Variants in MET observed in about 807,000 individuals in gnomAD.
MET encodes the protein hepatocyte growth factor receptor.
Under a neutral mutation model 133.1 loss-of-function variants are expected in MET, and 48 were observed. That is an observed-to-expected ratio of 0.36 (90% confidence interval 0.29 to 0.46). MET has a LOEUF of 0.46. Ranked by LOEUF, MET falls within the 20% of genes least tolerant of loss-of-function variation. The pLI, the probability that MET is intolerant of heterozygous loss-of-function variation, is 1.00. For missense variants in MET, 1,442 were observed against 1,695.9 expected, an observed-to-expected ratio of 0.85 and a Z score of 2.63; for synonymous variants, 628 against 616.5, an observed-to-expected ratio of 1.02 and a Z score of -0.28.
intron 15 of MET, among the ~76,000 whole-genome samples, chr7:116,776,603 C>A (rs1217968266): frequency 6.6e-6 from 1 of 152,116 alleles, no homozygotes; most frequent in Admixed American, 6.5e-5. Context: ...TTATTTTATT[C>A]TTCTTTGCAT....
chr7:116,697,067 C>T (rs1796989574), intron 1 of MET, among the ~76,000 whole-genome samples: 1 of 152,186 alleles, frequency 6.6e-6, no homozygotes, highest in Admixed American at 6.5e-5. Flanking sequence ...GCACTCATTT[C>T]CCAGCAGCAC....
At chr7:116,716,461 AAGAAAG>A (rs1235270217) in intron 2 of MET, among the ~76,000 whole-genome samples, 8 of 142,126 alleles carry the variant, frequency 5.6e-5, no homozygotes, top group East Asian at 2.1e-4. Flanking sequence ...AAAGAAAAGA[AAGAAAG>A]AGAAAGAAAG....
At chr7:116,757,578 T>TA in intron 7 of MET, 39 bp downstream of exon 7, 2 of 1,612,546 alleles carry the variant, frequency 1.2e-6, no homozygotes, top group Non-Finnish European at 1.7e-6. Flanking sequence ...GATTTTTACT[T>TA]AATCTATTTA....
chr7:116,743,520 G>T (rs1419794459), intron 5 of MET, among the ~76,000 whole-genome samples: 2 of 152,216 alleles, frequency 1.3e-5, no homozygotes, highest in East Asian at 3.8e-4. Flanking sequence ...AAGTTGACCT[G>T]GGATGCTGGA....
intron 1 of MET, among the ~76,000 whole-genome samples, chr7:116,698,440 TTGTC>T (rs1797042780): frequency 6.6e-6 from 1 of 152,196 alleles, no homozygotes; most frequent in Non-Finnish European, 1.5e-5. Flanking sequence ...CATTAAACAT[TTGTC>T]TGTCTAAAAC....
chr7:116,690,115 G>C (rs1224964269), intron 1 of MET, among the ~76,000 whole-genome samples: 2 of 152,118 alleles, frequency 1.3e-5, no homozygotes, highest in African/African-American at 4.8e-5. Flanking sequence ...TCACCCAAGG[G>C]ACTGTGCCAA....
intron 2 of MET, among the ~76,000 whole-genome samples, chr7:116,717,727 G>T (rs1792300877): frequency 6.6e-6 from 1 of 152,114 alleles, no homozygotes. Flanking sequence ...ATCTATAGAT[G>T]AGCTAAATCT....
Position 116,783,252 on chromosome 7 carries a change from T to C in MET, c.3633-52T>C, listed in dbSNP as rs376711164. The stretch of plus-strand genomic sequence containing the variant: ...TTTAATCTGTAGATATTCAGCATCA[T>C]TGTAAATTATTCTATTTCAGCCACG... On this transcript the variant is annotated intron_variant, in intron 18 of 20. Transcript: ENST00000397752. 6 of 1,602,950 alleles carry C rather than the reference T, an allele frequency of 3.7e-6. No individual in the cohort carries two copies. In the African/African-American group the frequency reaches 8.0e-5, roughly 21 times the overall value.
chr7:116,703,240 C>T (rs776398619), intron 2 of MET, among the ~76,000 whole-genome samples: 4 of 152,086 alleles, frequency 2.6e-5, no homozygotes, highest in Non-Finnish European at 5.9e-5. Context: ...ATTCTTGATC[C>T]TCACAATGTG....
rs555487099 is a variant in MET, at chr7:116,705,756, A to G, written c.1200+5472A>G. ...TTTCATTTCTTTTTCTTTCCTAGAC[A>G]CTACTTCATCCTCTCATAGGCTCAG... On this transcript the variant is annotated intron_variant, in intron 2 of 20. Coordinates refer to ENST00000397752, the MANE Select transcript of MET (RefSeq NM_000245.4). 2.6e-5 allele frequency among the ~76,000 whole-genome samples: 4 copies of G among 152,246 alleles called. No homozygotes were observed. The South Asian group carries it at 6.2e-4, about 24-fold the overall frequency.
At chr7:116,732,011 G>T (rs1383010384) in intron 3 of MET, 152 bp downstream of exon 3, 2 of 749,170 alleles carry the variant, frequency 2.7e-6, no homozygotes, top group Non-Finnish European at 4.6e-6. Flanking sequence ...AATGAAGCCT[G>T]GTCTACTTTC....
chr7:116,723,251 C>T (rs972465164), intron 2 of MET, among the ~76,000 whole-genome samples: 3 of 146,590 alleles, frequency 2.0e-5, no homozygotes, highest in South Asian at 2.3e-4. Context: ...ATTGCTGATA[C>T]CCTTTCTTCC....
chr7:116,686,754 C>T (rs138860626), intron 1 of MET, among the ~76,000 whole-genome samples: 4 of 152,154 alleles, frequency 2.6e-5, no homozygotes, highest in Non-Finnish European at 5.9e-5. Flanking sequence ...AATCTTATAC[C>T]TTTTTCCACT....
intron 18 of MET, among the ~76,000 whole-genome samples, chr7:116,782,467 A>G (rs1795186172): frequency 6.6e-6 from 1 of 152,232 alleles, no homozygotes; most frequent in Admixed American, 6.5e-5. Context: ...ATACCAACAT[A>G]TTGCAACTTC....
At chr7:116,741,083 T>G (rs753190193) in intron 5 of MET, 58 bp downstream of exon 5, 32 of 1,475,970 alleles carry the variant, frequency 2.2e-5, no homozygotes, top group South Asian at 3.6e-5. Flanking sequence ...TTTTTTTTTT[T>G]GGTTTGGTTT....
At chr7:116,726,049 C>A (rs1283567679) in intron 2 of MET, among the ~76,000 whole-genome samples, 1 of 142,106 alleles carries the variant, frequency 7.0e-6, no homozygotes, top group Non-Finnish European at 1.5e-5. Flanking sequence ...AAAAAAGAAA[C>A]TAAAACAATA....
chr7:116,699,101 T>G lies in MET; in HGVS notation c.17T>G (p.Val6Gly), dbSNP rs950885374. Reference protein sequence around the residue: MKAPAVLAPGILVLLF... With the variant: MKAPAGLAPGILVLLF... ...CCTCTCATAATGAAGGCCCCCGCTG[T>G]GCTTGCACCTGGCATCCTCGTGCTC... The change falls in exon 2 of 21, where the codon GTG (valine) becomes GGG (glycine). Residue 6 changes from valine to glycine, a missense_variant. Around this residue, in one of 6 missense-constraint regions of MET, gnomAD observed 762 missense variants for 792.4 expected, o/e 0.96. Coordinates refer to ENST00000397752, the MANE Select transcript of MET (RefSeq NM_000245.4). 1 of 1,613,768 alleles carries G rather than the reference T, an allele frequency of 6.2e-7. No homozygotes were observed. The highest frequency in any genetic ancestry group is 1.3e-5 in the African/African-American group (1 of 74,890).
intron 2 of MET, among the ~76,000 whole-genome samples, chr7:116,708,606 C>T (rs1347961257): frequency 1.3e-5 from 2 of 152,118 alleles, no homozygotes; most frequent in Non-Finnish European, 2.9e-5. Context: ...TGTGGTTCTT[C>T]TTCATATGAA....
At position 116,797,042 on chromosome 7, in the gene MET, T is replaced by C. The variant is rs772971653; in HGVS notation, c.*918T>C. On this transcript the variant is annotated 3_prime_UTR_variant, in exon 21 of 21. Transcript: ENST00000397752. ...ATGAACAGGATGTAATGTACATAGA[T>C]GACATTAAGAAAATTTGTATGAAAT... 11 of 187,438 alleles carry C rather than the reference T, an allele frequency of 5.9e-5. No homozygotes were observed. The highest frequency in any genetic ancestry group is 1.1e-4 in the Non-Finnish European group (10 of 88,694). The allele number at this position is 187,438 out of a possible 1,614,324, so 11.6% of individuals were successfully genotyped here.
Sources: gnomAD v4.1 joint callset for allele counts (sites outside exome capture counted in the v4.1 genomes callset) on GRCh38, gnomAD v4.1.1 for gene constraint, gnomAD v4.1.1 regional missense constraint, MANE v1.5 for transcripts, NCBI Gene and HGNC (gene_info 2026-07-23, HGNC 2026-07-21) for gene names.